ADAMTS17: variants seen among roughly 807,000 people sequenced by gnomAD.
The protein encoded by ADAMTS17 is ADAM metallopeptidase with thrombospondin type 1 motif 17.
ADAMTS17 carries 113 observed loss-of-function variants against 141.5 expected under a neutral mutation model. The ratio of observed to expected loss-of-function variants is 0.80; its 90% CI spans 0.69 to 0.93. The LOEUF is 0.93. Ranked by LOEUF, ADAMTS17 falls within the 40% of genes least tolerant of loss-of-function variation. ADAMTS17 has a pLI of 0.00. For missense variants in ADAMTS17, 1,659 were observed against 1,517.9 expected, an observed-to-expected ratio of 1.09 and a Z score of -1.54; for synonymous variants, 768 against 630.6, an observed-to-expected ratio of 1.22 and a Z score of -3.27.
chr15:100,095,781 G>A (rs980163281), intron 15 of ADAMTS17, among the ~76,000 whole-genome samples: 6 of 152,124 alleles, frequency 3.9e-5, no homozygotes, highest in African/African-American at 1.4e-4. Flanking sequence ...CAAGCAGAAA[G>A]ATGAAGCCGG....
intron 8 of ADAMTS17, among the ~76,000 whole-genome samples, chr15:100,162,998 GTA>G (rs538943209): frequency 3.7e-5 from 5 of 136,612 alleles, no homozygotes; most frequent in South Asian, 2.2e-4. Context: ...AACTATATAT[GTA>G]TATATGTGTA....
At chr15:100,114,643 C>T (rs1256921986) in intron 13 of ADAMTS17, among the ~76,000 whole-genome samples, 2 of 152,208 alleles carry the variant, frequency 1.3e-5, no homozygotes, top group East Asian at 3.9e-4. Flanking sequence ...TCAAACAGGG[C>T]TGCTCTTTTC....
intron 15 of ADAMTS17, among the ~76,000 whole-genome samples, chr15:100,060,370 G>A (rs960825913): frequency 6.6e-6 from 1 of 152,212 alleles, no homozygotes; most frequent in Non-Finnish European, 1.5e-5. Flanking sequence ...GTTACATGCA[G>A]AACGTCCATT....
intron 15 of ADAMTS17, among the ~76,000 whole-genome samples, chr15:100,060,293 A>T (rs2141648565): frequency 6.6e-6 from 1 of 152,360 alleles, no homozygotes; most frequent in Middle Eastern, 3.4e-3. Context: ...GGGGCACCAC[A>T]CGGGTGGGTA....
In ADAMTS17 at chr15:100,278,331, A is replaced by T. The variant is rs370825646; in HGVS notation, c.789+2898T>A. 6.7e-3 allele frequency among the ~76,000 whole-genome samples: 1,017 copies of T among 151,110 alleles called. 5 individuals are homozygous for T. Among genetic ancestry groups the T allele is most frequent in the Non-Finnish European group, 7.7e-3 (521 of 67,712 alleles). On this transcript the variant is annotated intron_variant, in intron 4 of 21. Coordinates refer to ENST00000268070, the MANE Select transcript of ADAMTS17 (RefSeq NM_139057.4). ...TATTACATATGCATTCTACCACAAA[A>T]AAAAAAAAAAAACCCAGAAAAAGAA...
chr15:100,126,581 A>AG lies in ADAMTS17; in HGVS notation c.1721+5425dup, dbSNP rs200983649. ...CGTTTATAGCATCTGGGCCTCAGTG[A>AG]GGGGAGATGATACAAGGGCATGAGG... On this transcript the variant is annotated intron_variant, in intron 12 of 21. Coordinates refer to ENST00000268070, the MANE Select transcript of ADAMTS17 (RefSeq NM_139057.4). Among the ~76,000 whole-genome samples, 26 of 152,270 alleles carry AG rather than the reference A, an allele frequency of 1.7e-4. No individual in the cohort carries two copies. The East Asian group carries it at 4.4e-3, about 26-fold the overall frequency.
chr15:100,240,371 TG>T (rs1462778841), intron 7 of ADAMTS17, among the ~76,000 whole-genome samples: 2 of 152,234 alleles, frequency 1.3e-5, no homozygotes, highest in East Asian at 3.8e-4. Context: ...TAGCAAAGGC[TG>T]GAGGGTAGCA....
At chr15:100,131,125 C>A (rs957484776) in intron 12 of ADAMTS17, among the ~76,000 whole-genome samples, 3 of 151,856 alleles carry the variant, frequency 2.0e-5, no homozygotes, top group African/African-American at 7.3e-5. Context: ...GAACAGAAAA[C>A]CAAACACTGT....
At chr15:100,072,644 C>T (rs1199564285) in intron 15 of ADAMTS17, among the ~76,000 whole-genome samples, 1 of 152,108 alleles carries the variant, frequency 6.6e-6, no homozygotes, top group East Asian at 1.9e-4. Context: ...CTGACAAAAA[C>T]AAGCAATGGG....
intron 8 of ADAMTS17, among the ~76,000 whole-genome samples, chr15:100,167,486 T>C (rs1043358868): frequency 3.3e-5 from 5 of 152,154 alleles, no homozygotes; most frequent in African/African-American, 1.2e-4. Flanking sequence ...TGCTGTGGAT[T>C]TCTTAGACTT....
intron 8 of ADAMTS17, among the ~76,000 whole-genome samples, chr15:100,164,662 G>A (rs1027847489): frequency 6.6e-6 from 1 of 152,188 alleles, no homozygotes; most frequent in Admixed American, 6.5e-5. Flanking sequence ...GGCCTAAGGA[G>A]GGAAGTCATA....
intron 18 of ADAMTS17, among the ~76,000 whole-genome samples, chr15:100,007,040 T>G (rs1237368906): frequency 6.6e-6 from 1 of 152,156 alleles, no homozygotes; most frequent in Non-Finnish European, 1.5e-5. Context: ...CCTGACTCAG[T>G]TTCCCCACCT....
chr15:99,997,541 G>A lies in ADAMTS17; in HGVS notation c.2640C>T (p.Gly880=), dbSNP rs780979498. The A allele has an allele frequency of 3.1e-6, 5 of 1,613,550 alleles. No individual in the cohort carries two copies. The highest frequency in any genetic ancestry group is 4.2e-6 in the Non-Finnish European group (5 of 1,180,042). ...WSPCSATCEK[G]FQHREVTCVY... ...CGCAGGTCACCTCCCGGTGCTGGAAGCCTTTCTCACAGGTCGCCGAGCAGG... is the reference window on the plus strand; with the variant it reads ...CGCAGGTCACCTCCCGGTGCTGGAAACCTTTCTCACAGGTCGCCGAGCAGG... The change falls in exon 19 of 22, where the codon GGC becomes GGT. Residue 880 remains glycine (G), a synonymous_variant. Transcript: ENST00000268070. This position sits in a 1 kb window ranked among gnomAD's most constrained non-coding sequence, Gnocchi z 4.7.
chr15:99,989,987 G>C (rs933700840), intron 20 of ADAMTS17, among the ~76,000 whole-genome samples: 1 of 152,222 alleles, frequency 6.6e-6, no homozygotes. Flanking sequence ...CAAGTAGAGA[G>C]TCAGAGCTGT....
chr15:100,267,607 A>T (rs1375427328), intron 4 of ADAMTS17, among the ~76,000 whole-genome samples: 1 of 152,052 alleles, frequency 6.6e-6, no homozygotes, highest in Non-Finnish European at 1.5e-5. Context: ...GAAGTTTGGG[A>T]TACGAATCAC....
At chr15:100,120,864 G>A (rs894801564) in intron 12 of ADAMTS17, among the ~76,000 whole-genome samples, 1 of 152,238 alleles carries the variant, frequency 6.6e-6, no homozygotes, top group Non-Finnish European at 1.5e-5. Context: ...AGAACAAAAT[G>A]TATTGGCGGA....
At position 100,281,370 on chromosome 15, in the gene ADAMTS17, C is replaced by T. The variant is rs779009930; in HGVS notation, c.648G>A (p.Ser216=). 28 of 1,612,652 alleles carry T rather than the reference C, an allele frequency of 1.7e-5. No homozygotes were observed. The highest frequency in any genetic ancestry group is 2.2e-5 in the East Asian group (1 of 44,894). ...CGTTCCTCCGCTCCCGCCAGTCCCG[C>T]GAAGGCCTGCCCCACGTCGGCTTCT... ...EKKKPTWGRP[S]RDWRERRNAI... is the part of the protein sequence containing the mutation. The change falls in exon 4 of 22, where the codon TCG becomes TCA. Residue 216 remains serine, a synonymous_variant. Coordinates refer to ENST00000268070, the MANE Select transcript of ADAMTS17 (RefSeq NM_139057.4).
chr15:100,070,920 CA>C (rs1253178454), intron 15 of ADAMTS17, among the ~76,000 whole-genome samples: 2 of 149,822 alleles, frequency 1.3e-5, no homozygotes, highest in South Asian at 2.1e-4. Context: ...AATAGAGACA[CA>C]AAAAACCCTT....
chr15:99,999,403 T>C (rs1161814108), intron 18 of ADAMTS17, among the ~76,000 whole-genome samples: 2 of 152,100 alleles, frequency 1.3e-5, no homozygotes, highest in African/African-American at 4.8e-5. Context: ...AAGGCCTCGC[T>C]GGGAAGTGGA....
Sources: allele counts gnomAD v4.1 joint callset (sites outside exome capture counted in the v4.1 genomes callset), GRCh38; gene constraint gnomAD v4.1.1; non-coding constraint Gnocchi (gnomAD v3.1); transcripts MANE v1.5; gene names NCBI Gene and HGNC (gene_info 2026-07-23, HGNC 2026-07-21).